The following SNX24 variants were observed in gnomAD, a reference collection of about 807,000 sequenced individuals.
SNX24 encodes sorting nexin-24.
In SNX24, 22 loss-of-function variants were observed where a neutral mutation model predicts 28.7. That is an observed-to-expected ratio of 0.77 (90% CI 0.55 to 1.10). The LOEUF is 1.10. SNX24 is among the 50% of genes least tolerant of loss of function. The pLI is 0.00. For synonymous variants in SNX24, 69 were observed against 71.5 expected (o/e 0.96, Z 0.18); for missense variants, 221 against 201.1 (o/e 1.10, Z -0.60).
chr5:122,987,720 A>G (rs1427555571), intron 3 of SNX24, among the ~76,000 whole-genome samples: 1 of 152,198 alleles, frequency 6.6e-6, no homozygotes, highest in Non-Finnish European at 1.5e-5. Context: ...GGAGTCAGAA[A>G]GTACTGGGTC....
chr5:122,896,448 G>T (rs1267209946), intron 1 of SNX24, among the ~76,000 whole-genome samples: 1 of 152,190 alleles, frequency 6.6e-6, no homozygotes, highest in Non-Finnish European at 1.5e-5. Context: ...GGACTTAGCT[G>T]CAGCTGGCGA....
intron 1 of SNX24, among the ~76,000 whole-genome samples, chr5:122,924,448 GCTCGTGTGC>G (rs1246244585): frequency 6.6e-6 from 1 of 152,090 alleles, no homozygotes; most frequent in Non-Finnish European, 1.5e-5. Flanking sequence ...AAAAGGGAGG[GCTCGTGTGC>G]TGGCTGGGAC....
At chr5:122,898,294 A>T (rs1197601747) in intron 1 of SNX24, among the ~76,000 whole-genome samples, 2 of 152,230 alleles carry the variant, frequency 1.3e-5, no homozygotes, top group African/African-American at 4.8e-5. Context: ...AAAAATGAAG[A>T]TGTGTTCTAT....
chr5:122,955,076 T>C (rs1344679831), intron 3 of SNX24, among the ~76,000 whole-genome samples: 1 of 152,014 alleles, frequency 6.6e-6, no homozygotes, highest in Non-Finnish European at 1.5e-5. Flanking sequence ...TTTTTTTTTT[T>C]CTCCATGGTC....
In SNX24 at chr5:123,001,838, G is replaced by A; in HGVS notation, c.378-102G>A. The A allele has an allele frequency of 1.1e-5, 10 of 936,648 alleles. No individual in the cohort carries two copies. The South Asian group carries it at 1.4e-4, about 13-fold the overall frequency. 58.0% of individuals were successfully genotyped at this position (936,648 alleles called of 1,614,324 possible). The stretch of plus-strand genomic sequence containing the variant: ...CACACTGTTAGAACATAAACCTTGA[G>A]ACGTCCCCGCACAGCAGTTTGATCC... On this transcript the variant is annotated intron_variant, in intron 5 of 6. Coordinates refer to ENST00000261369, the MANE Select transcript of SNX24 (RefSeq NM_014035.4).
intron 5 of SNX24, among the ~76,000 whole-genome samples, chr5:123,016,839 A>G (rs974733451): frequency 2.0e-5 from 3 of 152,156 alleles, no homozygotes; most frequent in South Asian, 2.1e-4. Flanking sequence ...TAGGAAGCTC[A>G]GGGAGCTCCA....
intron 3 of SNX24, among the ~76,000 whole-genome samples, chr5:122,957,764 G>C (rs1478823783): frequency 6.6e-6 from 1 of 152,058 alleles, no homozygotes; most frequent in East Asian, 1.9e-4. Flanking sequence ...TAATTCCTAA[G>C]TATTTTATTC....
intron 3 of SNX24, among the ~76,000 whole-genome samples, chr5:122,949,575 A>C (rs1759843387): frequency 6.6e-6 from 1 of 152,194 alleles, no homozygotes; most frequent in African/African-American, 2.4e-5. Context: ...GGTTCTAATC[A>C]GTGAATTTAC....
intron 3 of SNX24, among the ~76,000 whole-genome samples, chr5:122,975,259 C>A (rs996663543): frequency 6.6e-6 from 1 of 152,204 alleles, no homozygotes; most frequent in African/African-American, 2.4e-5. Flanking sequence ...CTAACTTTAG[C>A]TCAATCCTCC....
chr5:122,966,302 G>T (rs924354157), intron 3 of SNX24, among the ~76,000 whole-genome samples: 1 of 152,156 alleles, frequency 6.6e-6, no homozygotes, highest in East Asian at 1.9e-4. Context: ...AAGTTCTAGG[G>T]TACATGTGCA....
chr5:123,014,313 C>T (rs140745092), intron 5 of SNX24, among the ~76,000 whole-genome samples: 1 of 149,390 alleles, frequency 6.7e-6, no homozygotes, highest in East Asian at 2.0e-4. Flanking sequence ...ACTACAGGCA[C>T]ACGCCACTGT....
chr5:122,917,217 A>C (rs915241928), intron 1 of SNX24, among the ~76,000 whole-genome samples: 1 of 151,046 alleles, frequency 6.6e-6, no homozygotes, highest in Non-Finnish European at 1.5e-5. Flanking sequence ...AGATTGTGCC[A>C]CTGCACTCCA....
intron 3 of SNX24, among the ~76,000 whole-genome samples, chr5:122,956,952 G>T (rs1760243118): frequency 6.6e-6 from 1 of 151,818 alleles, no homozygotes; most frequent in African/African-American, 2.4e-5. Context: ...TATGTAATAT[G>T]ATTTGCAAAT....
Position 122,946,054 on chromosome 5 carries a change from G to A in SNX24, c.145-1G>A. 6.7e-7 allele frequency: 1 copy of A among 1,498,088 alleles called. No homozygotes were observed. The highest frequency in any genetic ancestry group is 9.1e-7 in the Non-Finnish European group (1 of 1,094,500). The allele number at this position is 1,498,088 out of a possible 1,614,324, so 92.8% of individuals were successfully genotyped here. A position where few individuals can be genotyped will look rare whatever the true frequency, so the allele number is the denominator to read the frequency against. ...TTTCTTTTCCTATTCTGTCTTTATA[G>A]CTTAAGAAATGTATAAAAACTCCAG... On this transcript the variant is annotated splice_acceptor_variant, in intron 2 of 6. Transcript: ENST00000261369. LOFTEE classifies it high-confidence loss of function.
At chr5:122,853,588 G>T in intron 1 of SNX24, 1 of 278,304 alleles carries the variant, frequency 3.6e-6, no homozygotes, top group Non-Finnish European at 7.5e-6. Context: ...AAGCAAGCTT[G>T]TTTTCATTGA....
At chr5:123,023,809 C>CAA in intron 5 of SNX24, 1 of 849,088 alleles carries the variant, frequency 1.2e-6, no homozygotes, top group Non-Finnish European at 1.5e-6. Context: ...GACAACACAA[C>CAA]ACACACACAC....
intron 3 of SNX24, among the ~76,000 whole-genome samples, chr5:122,949,478 C>T (rs903664149): frequency 3.3e-5 from 5 of 151,930 alleles, no homozygotes; most frequent in African/African-American, 9.7e-5. Flanking sequence ...ACTTTATTTT[C>T]AAATAGAAAT....
chr5:123,011,000 A>G (rs570842293), downstream of SNX24, among the ~76,000 whole-genome samples: 7 of 152,132 alleles, frequency 4.6e-5, no homozygotes, highest in African/African-American at 1.4e-4. Flanking sequence ...CGATTTCACT[A>G]GGCATGCCTG....
chr5:122,856,886 G>A (rs1010135343), intron 1 of SNX24, among the ~76,000 whole-genome samples: 3 of 152,066 alleles, frequency 2.0e-5, no homozygotes, highest in South Asian at 2.1e-4. Flanking sequence ...TCTTCCATTC[G>A]GTGCTGCAGT....
Sources: gnomAD v4.1 joint callset for allele counts (sites outside exome capture counted in the v4.1 genomes callset) on GRCh38, gnomAD v4.1.1 for gene constraint, MANE v1.5 for transcripts, NCBI Gene and HGNC (gene_info 2026-07-23, HGNC 2026-07-21) for gene names.